SLC4A10: variants seen among roughly 807,000 people sequenced by gnomAD.
The protein encoded by SLC4A10 is solute carrier family 4 member 10.
A neutral mutation model predicts 137.7 loss-of-function variants in SLC4A10; 42 were observed. The observed-to-expected ratio is 0.30, with a 90% confidence interval of 0.24 to 0.39. SLC4A10 has a LOEUF of 0.39. Among genes scored for constraint, SLC4A10 ranks in the 10% least tolerant of loss-of-function variants. The pLI is 1.00. For missense variants in SLC4A10, 925 were observed against 1,355.0 expected (o/e 0.68, Z 4.98); for synonymous variants, 474 against 464.1 (o/e 1.02, Z -0.27).
At chr2:161,680,372 T>C (rs1028955369) in intron 1 of SLC4A10, among the ~76,000 whole-genome samples, 6 of 152,074 alleles carry the variant, frequency 3.9e-5, no homozygotes, top group African/African-American at 1.4e-4. Flanking sequence ...TTCCAAGAGG[T>C]AAACATATAG....
chr2:161,750,709 T>C (rs1332735823), intron 1 of SLC4A10, among the ~76,000 whole-genome samples: 1 of 151,804 alleles, frequency 6.6e-6, no homozygotes, highest in Admixed American at 6.6e-5. Flanking sequence ...TCTTCTGCTG[T>C]TGGGTAAAAA....
At chr2:161,727,924 CA>C (rs1473571870) in intron 1 of SLC4A10, among the ~76,000 whole-genome samples, 1 of 151,976 alleles carries the variant, frequency 6.6e-6, no homozygotes, top group Non-Finnish European at 1.5e-5. Flanking sequence ...AGTACCACAC[CA>C]AGGGCACATC....
chr2:161,874,707 G>A (rs992120105), intron 8 of SLC4A10, among the ~76,000 whole-genome samples: 6 of 152,154 alleles, frequency 3.9e-5, no homozygotes, highest in African/African-American at 1.4e-4. Context: ...CTTGTTCATA[G>A]CATGGCACAC....
chr2:161,749,515 T>C (rs1574745659), intron 1 of SLC4A10, among the ~76,000 whole-genome samples: 1 of 152,006 alleles, frequency 6.6e-6, no homozygotes, highest in Non-Finnish European at 1.5e-5. Flanking sequence ...GAGATGATCA[T>C]GTGTTTTTTT....
intron 1 of SLC4A10, among the ~76,000 whole-genome samples, chr2:161,727,881 G>C (rs1456556574): frequency 6.6e-6 from 1 of 152,062 alleles, no homozygotes; most frequent in Non-Finnish European, 1.5e-5. Flanking sequence ...GATTTAAAGA[G>C]CTCACCAAAT....
chr2:161,742,168 A>G (rs2047959929), intron 1 of SLC4A10, among the ~76,000 whole-genome samples: 1 of 152,094 alleles, frequency 6.6e-6, no homozygotes, highest in African/African-American at 2.4e-5. Context: ...ATTCTTTTTT[A>G]TGGCTGAATA....
At chr2:161,760,469 C>T (rs938312684) in intron 1 of SLC4A10, among the ~76,000 whole-genome samples, 1 of 152,038 alleles carries the variant, frequency 6.6e-6, no homozygotes, top group African/African-American at 2.4e-5. Context: ...TCTTTCCAGG[C>T]ATTGAGATTT....
At chr2:161,763,331 G>T (rs1262653642) in intron 1 of SLC4A10, among the ~76,000 whole-genome samples, 1 of 152,026 alleles carries the variant, frequency 6.6e-6, no homozygotes, top group Non-Finnish European at 1.5e-5. Context: ...AAATAAACAT[G>T]ACACATGTGT....
At chr2:161,779,181 G>A (rs972182531) in intron 2 of SLC4A10, among the ~76,000 whole-genome samples, 2 of 151,872 alleles carry the variant, frequency 1.3e-5, no homozygotes, top group African/African-American at 2.4e-5. Context: ...TGCTCTTGAG[G>A]GAGATAATCC....
intron 1 of SLC4A10, among the ~76,000 whole-genome samples, chr2:161,677,437 T>C (rs2040388284): frequency 6.6e-6 from 1 of 152,212 alleles, no homozygotes; most frequent in Non-Finnish European, 1.5e-5. Context: ...TTGATGAGGC[T>C]AGTGCTCTGC....
intron 1 of SLC4A10, among the ~76,000 whole-genome samples, chr2:161,684,214 G>A (rs1285229945): frequency 6.6e-6 from 1 of 152,134 alleles, no homozygotes; most frequent in East Asian, 1.9e-4. Context: ...GCATGTATCA[G>A]AATTTCATTT....
chr2:161,627,703 G>C (rs1354470324), intron 1 of SLC4A10, among the ~76,000 whole-genome samples: 1 of 152,040 alleles, frequency 6.6e-6, no homozygotes, highest in Non-Finnish European at 1.5e-5. Context: ...GCATTTTGTA[G>C]ACTCTAATCA....
At chr2:161,889,600 T>C (rs1013439122) in intron 10 of SLC4A10, among the ~76,000 whole-genome samples, 2 of 152,196 alleles carry the variant, frequency 1.3e-5, no homozygotes, top group African/African-American at 4.8e-5. Context: ...CTGATGGCAG[T>C]TTGTATTTCT....
rs199515983 is a variant in SLC4A10 at position 161,726,519 on chromosome 2, C to T, written c.49-44454C>T. Among the ~76,000 whole-genome samples, 13 of 152,188 alleles carry T rather than the reference C, an allele frequency of 8.5e-5. No homozygotes were observed. In the East Asian group the frequency reaches 2.5e-3, roughly 29 times the overall value. On this transcript the variant is annotated intron_variant, in intron 1 of 26. Coordinates refer to ENST00000446997, the MANE Select transcript of SLC4A10 (RefSeq NM_001178015.2). Reference sequence around the variant, plus strand: ...GAATGAAAATGTTAAGTGTCTTGGCCCACTGAGAAATCAGAATTATAAATT... The same window carrying T: ...GAATGAAAATGTTAAGTGTCTTGGCTCACTGAGAAATCAGAATTATAAATT...
intron 1 of SLC4A10, among the ~76,000 whole-genome samples, chr2:161,667,746 G>A (rs574066955): frequency 1.4e-3 from 219 of 151,464 alleles, no homozygotes; most frequent in Non-Finnish European, 1.5e-3. Flanking sequence ...AACTACTTTT[G>A]CTCTTCTTTT....
chr2:161,693,607 C>T (rs2042208220), intron 1 of SLC4A10, among the ~76,000 whole-genome samples: 2 of 150,620 alleles, frequency 1.3e-5, no homozygotes, highest in African/African-American at 4.9e-5. Flanking sequence ...AACATCTCCT[C>T]ATTTTCCCCA....
Position 161,812,173 on chromosome 2 carries a change from A to T in SLC4A10, c.277+7578A>T, listed in dbSNP as rs567649265. 1.8e-4 allele frequency among the ~76,000 whole-genome samples: 27 copies of T among 152,104 alleles called. No individual in the cohort carries two copies. In the East Asian group the frequency reaches 4.4e-3, roughly 25 times the overall value. ...AGACATTTTTCTGTGTCCCTTAATG[A>T]AGAAAATTGCTAAGATTGACCTAAT... On this transcript the variant is annotated intron_variant, in intron 3 of 26. Coordinates refer to ENST00000446997, the MANE Select transcript of SLC4A10 (RefSeq NM_001178015.2).
chr2:161,910,377 C>A (rs1318526043), intron 15 of SLC4A10, among the ~76,000 whole-genome samples: 1 of 151,982 alleles, frequency 6.6e-6, no homozygotes, highest in African/African-American at 2.4e-5. Flanking sequence ...TTGCACCAGA[C>A]GATCAAGCTG....
chr2:161,750,582 G>A lies in SLC4A10; in HGVS notation c.49-20391G>A, dbSNP rs187303142. On this transcript the variant is annotated intron_variant, in intron 1 of 26. Transcript: ENST00000446997. ...CGCTAATTTCTGGTTTCGTGACATC[G>A]TGGTTGGAAGATACTTGGTATAATT... Among the ~76,000 whole-genome samples, 28 of 151,790 alleles carry A rather than the reference G, an allele frequency of 1.8e-4. No individual in the cohort carries two copies. In the East Asian group the frequency reaches 4.1e-3, roughly 22 times the overall value.
Sources: allele counts gnomAD v4.1 joint callset (sites outside exome capture counted in the v4.1 genomes callset), GRCh38; gene constraint gnomAD v4.1.1; transcripts MANE v1.5; gene names NCBI Gene and HGNC (gene_info 2026-07-23, HGNC 2026-07-21).